MTA3: variants seen among roughly 807,000 people sequenced by gnomAD.
MTA3 encodes metastasis associated 1 family member 3.
Under a neutral mutation model 83.5 loss-of-function variants are expected in MTA3, and 34 were observed. That is an observed-to-expected ratio of 0.41 (90% confidence interval 0.31 to 0.54). MTA3 has a LOEUF of 0.54. MTA3 is among the 20% of genes least tolerant of loss of function. The pLI, the probability that MTA3 is intolerant of heterozygous loss-of-function variation, is 0.33. For missense variants in MTA3, 761 were observed against 726.4 expected, an observed-to-expected ratio of 1.05 and a Z score of -0.55; for synonymous variants, 303 against 252.7, an observed-to-expected ratio of 1.20 and a Z score of -1.89.
rs138411742 is a variant in MTA3, at chr2:42,582,496, G to A, written c.190+3296G>A. Reference sequence around the variant, plus strand: ...CCTGATTAGTATGTCATTCTAAAAAGCAATATCTTGGCCAGGAGTGGTGGC... The same window carrying A: ...CCTGATTAGTATGTCATTCTAAAAAACAATATCTTGGCCAGGAGTGGTGGC... On this transcript the variant is annotated intron_variant, in intron 3 of 16. Coordinates refer to ENST00000405094, the MANE Select transcript of MTA3 (RefSeq NM_001330442.2). Among the ~76,000 whole-genome samples, 965 of 152,164 alleles carry A rather than the reference G, an allele frequency of 6.3e-3. 9 individuals carry two copies. The highest frequency in any genetic ancestry group is 0.021 in the African/African-American group (880 of 41,514).
intron 8 of MTA3, among the ~76,000 whole-genome samples, chr2:42,664,429 A>G (rs1045573987): frequency 2.3e-5 from 3 of 129,830 alleles, no homozygotes; most frequent in Non-Finnish European, 3.3e-5. Context: ...CTTTTCTTTG[A>G]GTATTTATGG....
chr2:42,509,905 ACTTAGGAAATCTAGG>A (rs547407481), intron 2 of MTA3, among the ~76,000 whole-genome samples: 52 of 152,306 alleles, frequency 3.4e-4, no homozygotes, highest in African/African-American at 1.2e-3. Flanking sequence ...GAATTGACCA[ACTTAGGAAATCTAGG>A]CTTTTTCTGA....
intron 2 of MTA3, among the ~76,000 whole-genome samples, chr2:42,522,501 G>A (rs1675474890): frequency 6.6e-6 from 1 of 152,140 alleles, no homozygotes; most frequent in South Asian, 2.1e-4. Flanking sequence ...CTGGCTTAGG[G>A]AAAGGCTGGA....
chr2:42,670,888 G>C (rs1031120479), intron 8 of MTA3, among the ~76,000 whole-genome samples: 1 of 151,484 alleles, frequency 6.6e-6, no homozygotes, highest in Admixed American at 6.6e-5. Flanking sequence ...TATAATAATC[G>C]GACTCAGGAA....
chr2:42,570,351 T>C, intron 1 of MTA3, 86 bp from the exon 2 acceptor site: 3 of 743,056 alleles, frequency 4.0e-6, no homozygotes, highest in Non-Finnish European at 6.4e-6. Flanking sequence ...ATTTCAAACG[T>C]GAAATGCCTA....
chr2:42,586,422 A>C (rs1278394499), intron 3 of MTA3, among the ~76,000 whole-genome samples: 1 of 151,028 alleles, frequency 6.6e-6, no homozygotes, highest in Non-Finnish European at 1.5e-5. Context: ...TCATATCTAA[A>C]AGTGAAAAAA....
At chr2:42,595,172 C>G (rs575528870) in intron 3 of MTA3, among the ~76,000 whole-genome samples, 1 of 131,086 alleles carries the variant, frequency 7.6e-6, no homozygotes, top group Non-Finnish European at 1.5e-5. Context: ...TCCAGTGACG[C>G]GATCTCAGCT....
At position 42,711,775 on chromosome 2, in the gene MTA3, A is replaced by AGTGTGTGTGTGTGTGT. The variant is rs372997456; in HGVS notation, c.1525+2680_1525+2681insTGTGTGTGTGTGTGTG. On this transcript the variant is annotated intron_variant, in intron 14 of 16. Coordinates refer to ENST00000405094, the MANE Select transcript of MTA3 (RefSeq NM_001330442.2). ...GTGATCTACTGGGAGTGTATAGGAG[A>AGTGTGTGTGTGTGTGT]GAGAGAGAGTGTGTGTGTGTGTGTG... 2.8e-3 allele frequency among the ~76,000 whole-genome samples: 396 copies of AGTGTGTGTGTGTGTGT among 139,450 alleles called. 1 individual carries two copies. The highest frequency in any genetic ancestry group is 0.01 in the African/African-American group (372 of 35,448). The allele number at this position is 139,450 out of a possible 152,430, so 91.5% of individuals were successfully genotyped here. A position where few individuals can be genotyped will look rare whatever the true frequency, so the allele number is the denominator to read the frequency against.
intron 14 of MTA3, 70 bp downstream of exon 14, chr2:42,709,166 T>C (rs1237792780): frequency 2.5e-6 from 3 of 1,199,212 alleles, no homozygotes; most frequent in Non-Finnish European, 3.3e-6. Context: ...CTCTCTTTCC[T>C]TTTTTTTTTG....
At chr2:42,551,655 GGA>G (rs1049878097) in intron 2 of MTA3, among the ~76,000 whole-genome samples, 4 of 152,062 alleles carry the variant, frequency 2.6e-5, no homozygotes, top group African/African-American at 9.7e-5. Context: ...GAATAAAGCG[GGA>G]GAGAGTGACA....
At chr2:42,619,434 C>G (rs1322782705) in intron 4 of MTA3, among the ~76,000 whole-genome samples, 1 of 152,034 alleles carries the variant, frequency 6.6e-6, no homozygotes, top group Non-Finnish European at 1.5e-5. Flanking sequence ...TTAGGAAACT[C>G]AATTTAAAAT....
At chr2:42,752,735 C>G (rs1162635929) in intron 16 of MTA3, among the ~76,000 whole-genome samples, 2 of 152,144 alleles carry the variant, frequency 1.3e-5, no homozygotes. Flanking sequence ...TTCCCTATTC[C>G]TTAGTATCCG....
At chr2:42,668,138 G>A (rs1046090978) in intron 8 of MTA3, among the ~76,000 whole-genome samples, 1 of 152,164 alleles carries the variant, frequency 6.6e-6, no homozygotes, top group Admixed American at 6.5e-5. Flanking sequence ...TTGCTGATAC[G>A]TGTAACCAAG....
At chr2:42,711,775 A>AGTGTGTGTTTGTGTGTGTGTGT (rs372997456) in intron 14 of MTA3, among the ~76,000 whole-genome samples, 1,590 of 139,466 alleles carry the variant, frequency 0.011, 31 homozygotes, top group Middle Eastern at 0.018. Context: ...TGTATAGGAG[A>AGTGTGTGTTTGTGTGTGTGTGT]GAGAGAGAGT....
In MTA3 at chr2:42,708,029, A is replaced by G; in HGVS notation, c.1277A>G (p.Lys426Arg). 1.2e-6 allele frequency: 2 copies of G among 1,611,432 alleles called. No individual in the cohort carries two copies. The highest frequency in any genetic ancestry group is 1.7e-6 in the Non-Finnish European group (2 of 1,179,274). ...LKMPTQSEEE[K>R]LSPSPTTEDP... ...ATGCCCACCCAGTCAGAAGAAGAGA[A>G]GTTATCTCCTAGCCCAACTACAGAG... Residue 426 changes from lysine to arginine, a missense_variant, in exon 13 of 17, where the codon AAG becomes AGG. Physicochemically the swap from Lys to Arg is conservative, Grantham distance 26 (BLOSUM62 2). Coordinates refer to ENST00000405094, the MANE Select transcript of MTA3 (RefSeq NM_001330442.2).
chr2:42,637,097 G>A (rs1335020869), intron 4 of MTA3, among the ~76,000 whole-genome samples: 2 of 152,190 alleles, frequency 1.3e-5, no homozygotes, highest in African/African-American at 4.8e-5. Context: ...TTGTTTTGTC[G>A]TAATTATTTA....
chr2:42,701,049 G>C (rs1158236981), intron 11 of MTA3, among the ~76,000 whole-genome samples: 1 of 152,124 alleles, frequency 6.6e-6, no homozygotes, highest in African/African-American at 2.4e-5. Context: ...AGTGAGTTGT[G>C]ATCATGCCAC....
intron 2 of MTA3, among the ~76,000 whole-genome samples, chr2:42,524,960 T>C (rs1428253826): frequency 2.0e-5 from 3 of 148,712 alleles, no homozygotes; most frequent in Non-Finnish European, 3.0e-5. Flanking sequence ...TGGGTCTCTT[T>C]TTTTTTTTTT....
At chr2:42,726,174 C>T (rs1447824079) in intron 16 of MTA3, among the ~76,000 whole-genome samples, 1 of 152,118 alleles carries the variant, frequency 6.6e-6, no homozygotes, top group Non-Finnish European at 1.5e-5. Context: ...TAATTATCAG[C>T]ATGTCAGACA....
Sources: gnomAD v4.1 joint callset for allele counts (sites outside exome capture counted in the v4.1 genomes callset) on GRCh38, gnomAD v4.1.1 for gene constraint, MANE v1.5 for transcripts, NCBI Gene and HGNC (gene_info 2026-07-23, HGNC 2026-07-21) for gene names.